TMC1: variants seen among roughly 807,000 people sequenced by gnomAD.
TMC1 encodes transmembrane channel like 1, also known as transmembrane channel-like protein 1.
TMC1 carries 84 observed loss-of-function variants against 105.8 expected under a neutral mutation model. The observed-to-expected ratio is 0.79, with a 90% CI of 0.67 to 0.95. The LOEUF is 0.95. Among genes scored for constraint, TMC1 ranks in the 40% least tolerant of loss-of-function variants. TMC1 has a pLI of 0.00. For missense variants in TMC1, 817 were observed against 914.1 expected (o/e 0.89, Z 1.37); for synonymous variants, 315 against 311.5 (o/e 1.01, Z -0.12).
intron 1 of TMC1, among the ~76,000 whole-genome samples, chr9:72,567,591 C>T (rs1294405436): frequency 1.3e-5 from 2 of 152,122 alleles, no homozygotes; most frequent in Admixed American, 1.3e-4. Context: ...ATGCCAGATG[C>T]TTCTAAAACT....
At chr9:72,589,459 G>C (rs1430130130) in intron 2 of TMC1, among the ~76,000 whole-genome samples, 3 of 152,154 alleles carry the variant, frequency 2.0e-5, no homozygotes, top group Non-Finnish European at 2.9e-5. Flanking sequence ...TCTATTAAAT[G>C]TATATTTTTG....
chr9:72,626,388 C>T (rs1041305479), intron 3 of TMC1, among the ~76,000 whole-genome samples: 7 of 152,048 alleles, frequency 4.6e-5, no homozygotes, highest in Admixed American at 4.6e-4. Context: ...ATCAGGAAGT[C>T]CTTTTACAAG....
At chr9:72,755,179 G>A (rs867063943) in intron 12 of TMC1, among the ~76,000 whole-genome samples, 7 of 151,918 alleles carry the variant, frequency 4.6e-5, no homozygotes, top group African/African-American at 1.7e-4. Context: ...TAGGACAATG[G>A]TAATATGATT....
intron 4 of TMC1, among the ~76,000 whole-genome samples, chr9:72,648,204 C>T (rs1052097372): frequency 1.6e-4 from 24 of 152,152 alleles, no homozygotes; most frequent in Non-Finnish European, 2.9e-4. Context: ...ACCAAGCACA[C>T]TTAGTGGCTG....
chr9:72,532,612 A>G (rs1468188663), intron 1 of TMC1, among the ~76,000 whole-genome samples: 1 of 148,562 alleles, frequency 6.7e-6, no homozygotes, highest in Non-Finnish European at 1.5e-5. Context: ...AAGCCCAGTC[A>G]TCTTGAAGCC....
At chr9:72,621,668 C>T (rs1317119760) in intron 3 of TMC1, among the ~76,000 whole-genome samples, 2 of 152,098 alleles carry the variant, frequency 1.3e-5, no homozygotes, top group African/African-American at 2.4e-5. Flanking sequence ...CTAAACTGGG[C>T]AGTCAGCTAA....
chr9:72,577,678 C>T (rs940442286), intron 1 of TMC1: 1 of 151,880 alleles, frequency 6.6e-6, no homozygotes, highest in African/African-American at 2.4e-5. Flanking sequence ...AACAATGACT[C>T]AGTGTTTTTT....
intron 1 of TMC1, among the ~76,000 whole-genome samples, chr9:72,564,064 T>C (rs1325916011): frequency 6.6e-6 from 1 of 152,112 alleles, no homozygotes; most frequent in African/African-American, 2.4e-5. Context: ...TAATCACACA[T>C]ATCACTTGTG....
intron 5 of TMC1, chr9:72,656,000 T>A (rs1825879061): frequency 1.3e-6 from 1 of 772,508 alleles, no homozygotes; most frequent in Non-Finnish European, 2.3e-6. Context: ...TTTTTTCTTG[T>A]AGTGATTCTC....
chr9:72,654,352 C>T (rs1160024593), intron 5 of TMC1, among the ~76,000 whole-genome samples: 1 of 152,222 alleles, frequency 6.6e-6, no homozygotes, highest in Admixed American at 6.5e-5. Flanking sequence ...GTTCGCACTT[C>T]TCTAATGACT....
At chr9:72,560,436 G>A (rs540062344) in intron 1 of TMC1, among the ~76,000 whole-genome samples, 1 of 152,228 alleles carries the variant, frequency 6.6e-6, no homozygotes, top group South Asian at 2.1e-4. Flanking sequence ...TCATCCACCT[G>A]AACTTTGCCA....
chr9:72,700,777 CACAT>C (rs1233133808), intron 8 of TMC1, 134 bp downstream of exon 8: 7 of 331,072 alleles, frequency 2.1e-5, no homozygotes, highest in Non-Finnish European at 3.9e-5. Context: ...CACACACACA[CACAT>C]ACACTGTATA....
intron 8 of TMC1, among the ~76,000 whole-genome samples, chr9:72,702,036 A>C (rs1451451943): frequency 2.0e-5 from 3 of 152,150 alleles, no homozygotes; most frequent in African/African-American, 7.2e-5. Context: ...TCATTTAGCG[A>C]AGTGATAATG....
At chr9:72,770,535 C>T (rs932738357) in intron 12 of TMC1, among the ~76,000 whole-genome samples, 12 of 150,000 alleles carry the variant, frequency 8.0e-5, no homozygotes, top group African/African-American at 2.4e-4. Context: ...TCTCCTGCCT[C>T]AGCCTCCCAA....
chr9:72,802,179 G>A (rs1828483910), intron 17 of TMC1, among the ~76,000 whole-genome samples: 1 of 152,062 alleles, frequency 6.6e-6, no homozygotes, highest in Non-Finnish European at 1.5e-5. Flanking sequence ...GATTGCTTGA[G>A]TCCAGGAGTT....
intron 21 of TMC1, among the ~76,000 whole-genome samples, chr9:72,829,504 A>AAC (rs202093928): frequency 7.9e-5 from 12 of 151,622 alleles, no homozygotes; most frequent in African/African-American, 1.7e-4. Flanking sequence ...ACCACACACA[A>AAC]ACACACACAC....
intron 5 of TMC1, among the ~76,000 whole-genome samples, chr9:72,670,191 T>C (rs981647503): frequency 1.3e-5 from 2 of 152,138 alleles, no homozygotes; most frequent in African/African-American, 2.4e-5. Flanking sequence ...AAAGAACCTC[T>C]GAAAAGGTTT....
intron 11 of TMC1, among the ~76,000 whole-genome samples, chr9:72,754,225 C>A (rs964320328): frequency 1.8e-4 from 27 of 152,132 alleles, no homozygotes; most frequent in African/African-American, 6.5e-4. Flanking sequence ...TTTTTCTCTT[C>A]CAATCTGGTA....
intron 1 of TMC1, among the ~76,000 whole-genome samples, chr9:72,527,785 C>A (rs1823430595): frequency 6.6e-6 from 1 of 152,216 alleles, no homozygotes; most frequent in Non-Finnish European, 1.5e-5. Context: ...GGGGAAGGGG[C>A]TTCTCCTCTG....
Sources: allele counts gnomAD v4.1 joint callset (sites outside exome capture counted in the v4.1 genomes callset), GRCh38; gene constraint gnomAD v4.1.1; transcripts MANE v1.5; gene names NCBI Gene and HGNC (gene_info 2026-07-23, HGNC 2026-07-21).